CD177: variants seen among roughly 807,000 people sequenced by gnomAD.
CD177 encodes CD177 antigen.
A neutral mutation model predicts 38.1 loss-of-function variants in CD177; 41 were observed. The observed-to-expected ratio is 1.07, with a 90% CI of 0.84 to 1.39. CD177 has a LOEUF of 1.39. CD177 is among the 40% of genes most tolerant of loss of function. The probability of loss-of-function intolerance (pLI) is 0.00; values close to 1 mark genes in which losing one functional copy is unlikely to be tolerated. For missense variants in CD177, 619 were observed against 523.8 expected (o/e 1.18, Z -1.77); for synonymous variants, 236 against 216.7 (o/e 1.09, Z -0.78).
chr19:43,362,113 T>G lies in CD177; in HGVS notation c.1107T>G (p.Ile369Met). The G allele has an allele frequency of 1.9e-6, 3 of 1,613,752 alleles. No homozygotes were observed. Among genetic ancestry groups the G allele is most frequent in the Non-Finnish European group, 2.5e-6 (3 of 1,179,744 alleles). The change falls in exon 9 of 9, where the codon ATT becomes ATG. Residue 369 changes from isoleucine to methionine, a missense_variant. Ile to Met is a conservative substitution (Grantham distance 10). Transcript: ENST00000618265. ...SGGGLSTKMSIQGCVAQPSSF... is the reference protein window; with the variant it reads ...SGGGLSTKMSMQGCVAQPSSF... The stretch of plus-strand genomic sequence containing the variant: ...GTGGGCTGTCCACCAAAATGAGCAT[T>G]CAGGGCTGCGTGGCCCAACCTTCCA...
At position 43,362,323 on chromosome 19, in the gene CD177, C is replaced by G; in HGVS notation, c.*3C>G. ...GAGTGGTTTGCCCTTCCTGCTAACT[C>G]TATTACCCCCACGATTCTTCACCGC... On this transcript the variant is annotated 3_prime_UTR_variant, in exon 9 of 9. Coordinates refer to ENST00000618265, the MANE Select transcript of CD177 (RefSeq NM_020406.4). 1 of 1,384,832 alleles carries G rather than the reference C, an allele frequency of 7.2e-7. No homozygotes were observed. 85.8% of individuals were successfully genotyped at this position (1,384,832 alleles called of 1,614,324 possible). A position where few individuals can be genotyped will look rare whatever the true frequency, so the allele number is the denominator to read the frequency against.
At position 43,362,165 on chromosome 19, in the gene CD177, A is replaced by G. The variant is rs376877003; in HGVS notation, c.1159A>G (p.Ile387Val). Residue 387 changes from isoleucine to valine, a missense_variant, in exon 9 of 9, where the codon ATC (isoleucine) becomes GTC (valine). Coordinates refer to ENST00000618265, the MANE Select transcript of CD177 (RefSeq NM_020406.4). Reference sequence around the variant, plus strand: ...CTTCTTGTTGAACCACACCAGACAAATCGGGATCTTCTCTGCGCGTGAGAA... The same window carrying G: ...CTTCTTGTTGAACCACACCAGACAAGTCGGGATCTTCTCTGCGCGTGAGAA... ...SSFLLNHTRQ[I>V]GIFSAREKRD... is the part of the protein sequence containing the mutation. 6 of 1,613,332 alleles carry G rather than the reference A, an allele frequency of 3.7e-6. No homozygotes were observed. The African/African-American group carries it at 6.7e-5, about 18-fold the overall frequency.
rs775894131 is a variant in CD177 at position 43,362,523 on chromosome 19, G to C, written c.*203G>C. The C allele has an allele frequency of 2.1e-6, 1 of 474,528 alleles. No homozygotes were observed. The highest frequency in any genetic ancestry group is 3.7e-6 in the Non-Finnish European group (1 of 267,880). 29.4% of individuals were successfully genotyped at this position (474,528 alleles called of 1,614,324 possible). A position where few individuals can be genotyped will look rare whatever the true frequency, so the allele number is the denominator to read the frequency against. ...GCATCCGGACTTGCCCTATGGGAGA[G>C]GGGACGCTGGAGGAGTGGCTGCATG... is the stretch of plus-strand genomic sequence containing the variant. On this transcript the variant is annotated 3_prime_UTR_variant, in exon 9 of 9. Coordinates refer to ENST00000618265, the MANE Select transcript of CD177 (RefSeq NM_020406.4).
intron 5 of CD177, 91 bp from the exon 6 acceptor site, chr19:43,360,174 A>C: frequency 2.0e-6 from 3 of 1,465,578 alleles, no homozygotes; most frequent in Non-Finnish European, 2.8e-6. Flanking sequence ...AGTGTGACTC[A>C]AGAGTGTGAT....
chr19:43,363,705 G>T, downstream of CD177, among the ~76,000 whole-genome samples: 1 of 152,006 alleles, frequency 6.6e-6, no homozygotes, highest in Non-Finnish European at 1.5e-5. Flanking sequence ...GAGGAGAAGA[G>T]AGCGAATCTG....
At chr19:43,354,775 G>T (rs540840796) in intron 3 of CD177, among the ~76,000 whole-genome samples, 2 of 152,160 alleles carry the variant, frequency 1.3e-5, no homozygotes, top group Non-Finnish European at 2.9e-5. Context: ...AGACTGAACT[G>T]TAACTTTCCA....
intron 5 of CD177, among the ~76,000 whole-genome samples, 182 bp from the exon 6 acceptor site, chr19:43,360,083 A>G (rs1218046478): frequency 6.6e-6 from 1 of 151,872 alleles, no homozygotes; most frequent in Non-Finnish European, 1.5e-5. Context: ...AAGCAGAAAC[A>G]GGGAACAATG....
At chr19:43,361,659 G>A in intron 8 of CD177, 80 bp downstream of exon 8, 3 of 1,443,248 alleles carry the variant, frequency 2.1e-6, no homozygotes, top group East Asian at 2.5e-5. Context: ...GGGGCTGGGG[G>A]CCTGGACTCC....
In CD177 at chr19:43,353,877, T is replaced by C; in HGVS notation, c.77T>C (p.Phe26Ser). ...LPGVQALLCQ[F>S]GTVQHVWKVS... ...GGAGTGCAGGCGCTGCTCTGCCAGT[T>C]TGGGACAGTTCAGCATGTGTGGAAG... The change falls in exon 2 of 9, where the codon TTT becomes TCT. Residue 26 changes from phenylalanine to serine, a missense_variant. Phe to Ser is a radical substitution (Grantham distance 155). Coordinates refer to ENST00000618265, the MANE Select transcript of CD177 (RefSeq NM_020406.4). 6.2e-7 allele frequency: 1 copy of C among 1,613,830 alleles called. No individual in the cohort carries two copies. The highest frequency in any genetic ancestry group is 8.5e-7 in the Non-Finnish European group (1 of 1,179,838).
At chr19:43,360,033 G>C (rs573587711) in intron 5 of CD177, among the ~76,000 whole-genome samples, 53 of 152,018 alleles carry the variant, frequency 3.5e-4, no homozygotes, top group Non-Finnish European at 6.2e-4. Flanking sequence ...AGGAACGGCC[G>C]TTCCCCCAGG....
chr19:43,355,180 C>G (rs1314937240), intron 3 of CD177, among the ~76,000 whole-genome samples: 4 of 134,166 alleles, frequency 3.0e-5, no homozygotes, highest in Middle Eastern at 8.5e-3. Context: ...GTGGCGCAAT[C>G]TCGGCTCACT....
intron 3 of CD177, 101 bp downstream of exon 3, chr19:43,354,493 T>C: frequency 2.4e-6 from 3 of 1,255,652 alleles, no homozygotes; most frequent in South Asian, 2.5e-5. Context: ...TCGCTCGCTA[T>C]CCCGACCCTC....
Position 43,362,189 on chromosome 19 carries a change from A to G in CD177, c.1183A>G (p.Lys395Glu), listed in dbSNP as rs755697585. Residue 395 changes from lysine to glutamate, a missense_variant, in exon 9 of 9, where the codon AAG (lysine) becomes GAG (glutamate). Physicochemically the swap from Lys to Glu is moderately conservative, Grantham distance 56. Transcript: ENST00000618265. ...RQIGIFSAREKRDVQPPASQH... is the reference protein window; with the variant it reads ...RQIGIFSAREERDVQPPASQH... ...AATCGGGATCTTCTCTGCGCGTGAG[A>G]AGCGTGATGTGCAGCCTCCTGCCTC... The G allele has an allele frequency of 1.9e-6, 3 of 1,612,782 alleles. No individual in the cohort carries two copies. Among genetic ancestry groups the G allele is most frequent in the Non-Finnish European group, 2.5e-6 (3 of 1,179,522 alleles).
rs763675091 is a variant in CD177, at chr19:43,353,907, C to G, written c.107C>G (p.Ser36Cys). 6.2e-7 allele frequency: 1 copy of G among 1,613,870 alleles called. No homozygotes were observed. The highest frequency in any genetic ancestry group is 1.7e-5 in the Admixed American group (1 of 60,018). The change falls in exon 2 of 9, where the codon TCC (serine) becomes TGC (cysteine). Residue 36 changes from serine (S) to cysteine (C), a missense_variant. Coordinates refer to ENST00000618265, the MANE Select transcript of CD177 (RefSeq NM_020406.4). ...ACAGTTCAGCATGTGTGGAAGGTGT[C>G]CGACCTGCCCCGGCAATGGACCCCT... Reference protein sequence around the residue: ...FGTVQHVWKVSDLPRQWTPKN... With the variant: ...FGTVQHVWKVCDLPRQWTPKN...
In CD177 at chr19:43,356,154, A is replaced by G. The variant is rs1383470361; in HGVS notation, c.619+46A>G. 8.8e-5 allele frequency: 41 copies of G among 467,896 alleles called. No homozygotes were observed. In the Middle Eastern group the frequency reaches 2.0e-3, roughly 23 times the overall value. 29.0% of individuals were successfully genotyped at this position (467,896 alleles called of 1,614,324 possible). ...GTGCCCTGGACTGCAGCCTCGGGGC[A>G]CGATGACACATGGGGCATCCAGAGC... On this transcript the variant is annotated intron_variant, in intron 5 of 8. Transcript: ENST00000618265.
intron 4 of CD177, 33 bp downstream of exon 4, chr19:43,355,816 C>A: frequency 6.2e-7 from 1 of 1,612,512 alleles, no homozygotes; most frequent in Non-Finnish European, 8.5e-7. Context: ...CCTGTGGGGA[C>A]TGAACTGGAA....
At chr19:43,363,242 T>C (rs1969999682), downstream of CD177, 1 of 152,174 alleles carries the variant, frequency 6.6e-6, no homozygotes, top group South Asian at 2.1e-4. Context: ...CGTGGGATAA[T>C]TGACATGAGG....
In CD177 at chr19:43,354,313, C is replaced by A. The variant is rs1333829305; in HGVS notation, c.300C>A (p.Tyr100Ter). The change falls in exon 3 of 9, where the codon TAC (tyrosine) becomes TAA (stop). Residue 100 changes from tyrosine (Y) to a stop codon, truncating the protein, a stop_gained. Transcript: ENST00000618265. LOFTEE classifies it high-confidence loss of function. ...RMGPGLSLIS[Y>*]TFVCRQEDFC... ...GCCCCGGCCTCTCCCTGATCTCCTA[C>A]ACCTTCGTGTGCCGCCAGGAGGACT... 5 of 1,613,844 alleles carry A rather than the reference C, an allele frequency of 3.1e-6. No individual in the cohort carries two copies. The highest frequency in any genetic ancestry group is 3.3e-4 in the Middle Eastern group (2 of 6,084).
rs767588126 is a variant in CD177 at position 43,362,106 on chromosome 19, T to G, written c.1100T>G (p.Met367Arg). 1.2e-6 allele frequency: 2 copies of G among 1,613,598 alleles called. No homozygotes were observed. Among genetic ancestry groups the G allele is most frequent in the African/African-American group, 2.7e-5 (2 of 74,878 alleles). The change falls in exon 9 of 9, where the codon ATG becomes AGG. Residue 367 changes from methionine (M) to arginine (R), a missense_variant. By Grantham distance (91) the Met-to-Arg change is moderately conservative. Transcript: ENST00000618265. ...HLSGGGLSTK[M>R]SIQGCVAQPS... The stretch of plus-strand genomic sequence containing the variant: ...CCTCTAGGTGGGCTGTCCACCAAAA[T>G]GAGCATTCAGGGCTGCGTGGCCCAA...
Sources: gnomAD v4.1 joint callset for allele counts (sites outside exome capture counted in the v4.1 genomes callset) on GRCh38, gnomAD v4.1.1 for gene constraint, MANE v1.5 for transcripts, NCBI Gene and HGNC (gene_info 2026-07-23, HGNC 2026-07-21) for gene names.